Variants in BTRC observed in about 807,000 individuals in gnomAD.
The protein encoded by BTRC is F-box/WD repeat-containing protein 1A.
A neutral mutation model predicts 85.5 loss-of-function variants in BTRC; 42 were observed. That is an observed-to-expected ratio of 0.49 (90% CI 0.38 to 0.64). The LOEUF is 0.64. Ranked by LOEUF, BTRC falls within the 30% of genes least tolerant of loss-of-function variation. The probability of loss-of-function intolerance (pLI) is 0.00; values close to 1 mark genes in which losing one functional copy is unlikely to be tolerated. For synonymous variants in BTRC, 255 were observed against 263.3 expected (o/e 0.97, Z 0.30); for missense variants, 594 against 743.5 (o/e 0.80, Z 2.34).
At chr10:101,420,752 G>A (rs983764335) in intron 1 of BTRC, among the ~76,000 whole-genome samples, 1 of 151,850 alleles carries the variant, frequency 6.6e-6, no homozygotes, top group Non-Finnish European at 1.5e-5. Context: ...TTGGGCCACT[G>A]TAGTCAACTC....
chr10:101,534,958 C>T, intron 10 of BTRC, 48 bp downstream of exon 10: 1 of 1,583,410 alleles, frequency 6.3e-7, no homozygotes, highest in South Asian at 1.1e-5. Context: ...TGGGGGAATT[C>T]ATATGAAAAT....
chr10:101,418,407 G>A (rs1018688238), intron 1 of BTRC, among the ~76,000 whole-genome samples: 1 of 151,794 alleles, frequency 6.6e-6, no homozygotes, highest in African/African-American at 2.4e-5. Context: ...TTTTTTTGGG[G>A]GGGTGATTTA....
intron 4 of BTRC, among the ~76,000 whole-genome samples, chr10:101,514,200 A>G (rs2061993046): frequency 6.6e-6 from 1 of 152,190 alleles, no homozygotes; most frequent in South Asian, 2.1e-4. Context: ...ATTTATTGCA[A>G]ATGTTAATAA....
At chr10:101,550,281 TA>T (rs2062628982) in intron 13 of BTRC, among the ~76,000 whole-genome samples, 1 of 152,060 alleles carries the variant, frequency 6.6e-6, no homozygotes, top group African/African-American at 2.4e-5. Flanking sequence ...TTAATTTATT[TA>T]TTTTTATTTT....
At position 101,367,053 on chromosome 10, in the gene BTRC, T is replaced by A. The variant is rs1413408280; in HGVS notation, c.48+12825T>A. On this transcript the variant is annotated intron_variant, in intron 1 of 14. Transcript: ENST00000370187. Reference sequence around the variant, plus strand: ...ATATTTATATATATAAATATATATATATATAAATATAAATATATATATATA... The same window carrying A: ...ATATTTATATATATAAATATATATAAATATAAATATAAATATATATATATA... Among the ~76,000 whole-genome samples, 15 of 74,116 alleles carry A rather than the reference T, an allele frequency of 2.0e-4. 3 individuals carry two copies. Among genetic ancestry groups the A allele is most frequent in the East Asian group, 3.0e-4 (1 of 3,380 alleles). The allele number at this position is 74,116 out of a possible 152,430, so 48.6% of individuals were successfully genotyped here. A position where few individuals can be genotyped will look rare whatever the true frequency, so the allele number is the denominator to read the frequency against.
chr10:101,498,176 T>C (rs1321623636), intron 4 of BTRC, among the ~76,000 whole-genome samples: 1 of 152,030 alleles, frequency 6.6e-6, no homozygotes, highest in Non-Finnish European at 1.5e-5. Flanking sequence ...TTTTTTGAGA[T>C]GGAGTCTCAT....
At chr10:101,524,239 AC>A (rs1390554605) in intron 5 of BTRC, among the ~76,000 whole-genome samples, 1 of 152,024 alleles carries the variant, frequency 6.6e-6, no homozygotes, top group Non-Finnish European at 1.5e-5. Flanking sequence ...CCCCCTCTTT[AC>A]TCATTGGATT....
chr10:101,523,358 G>T (rs2062147841), intron 5 of BTRC, among the ~76,000 whole-genome samples: 1 of 152,076 alleles, frequency 6.6e-6, no homozygotes, highest in African/African-American at 2.4e-5. Context: ...TTTGGAGGAT[G>T]CTGTGGTTTT....
chr10:101,358,405 G>A (rs1344824276), intron 1 of BTRC, among the ~76,000 whole-genome samples: 2 of 152,040 alleles, frequency 1.3e-5, no homozygotes, highest in African/African-American at 4.8e-5. Flanking sequence ...GCCAAGCCAC[G>A]TTTATTTTTA....
chr10:101,510,288 C>T (rs894515646), intron 4 of BTRC, among the ~76,000 whole-genome samples: 4 of 152,082 alleles, frequency 2.6e-5, no homozygotes, highest in Non-Finnish European at 5.9e-5. Flanking sequence ...GTGGGTGGAT[C>T]ACGAGGTCAG....
At chr10:101,366,473 G>T (rs1466934396) in intron 1 of BTRC, among the ~76,000 whole-genome samples, 1 of 151,596 alleles carries the variant, frequency 6.6e-6, no homozygotes, top group Non-Finnish European at 1.5e-5. Flanking sequence ...TAAGAGAGGC[G>T]ACAGGAAAAA....
chr10:101,402,326 A>G (rs926422782), intron 1 of BTRC, among the ~76,000 whole-genome samples: 5 of 152,218 alleles, frequency 3.3e-5, no homozygotes, highest in Non-Finnish European at 5.9e-5. Flanking sequence ...AATTCAAGTA[A>G]GAATAATTTA....
chr10:101,462,054 G>T lies in BTRC; in HGVS notation c.230G>T (p.Arg77Ile). The part of the protein sequence containing the change: ...RKIIPEKNSL[R>I]QTYNSCARLC... ...ATAATACCAGAGAAGAATTCACTTA[G>T]ACAGGTATGAAATTCAGCCTTACTT... is the stretch of plus-strand genomic sequence containing the variant. Residue 77 changes from arginine (R) to isoleucine (I), a missense_variant, in exon 3 of 15, where the codon AGA (arginine) becomes ATA (isoleucine). Physicochemically the swap from Arg to Ile is moderately conservative, Grantham distance 97 (BLOSUM62 -3). Transcript: ENST00000370187. 1.2e-6 allele frequency: 2 copies of T among 1,607,854 alleles called. No individual in the cohort carries two copies. Among genetic ancestry groups the T allele is most frequent in the South Asian group, 1.1e-5 (1 of 90,790 alleles).
intron 4 of BTRC, among the ~76,000 whole-genome samples, chr10:101,513,350 G>A (rs1015743904): frequency 3.9e-5 from 6 of 152,070 alleles, no homozygotes; most frequent in African/African-American, 4.8e-5. Context: ...TAAGTATATA[G>A]TTCAATGAAT....
rs1255184775 is a variant in BTRC, at chr10:101,395,886, A to G, written c.49-34459A>G. The stretch of plus-strand genomic sequence containing the variant: ...GTAATATTTGCATATTTTTTCCTTA[A>G]ATAGTAGTAATATTTCCATGTTTTG... On this transcript the variant is annotated intron_variant, in intron 1 of 14. Coordinates refer to ENST00000370187, the MANE Select transcript of BTRC (RefSeq NM_033637.4). Among the ~76,000 whole-genome samples, 4 of 152,110 alleles carry G rather than the reference A, an allele frequency of 2.6e-5. No homozygotes were observed. In the South Asian group the frequency reaches 8.3e-4, roughly 32 times the overall value.
At chr10:101,492,931 A>G (rs914852381) in intron 4 of BTRC, among the ~76,000 whole-genome samples, 1 of 152,196 alleles carries the variant, frequency 6.6e-6, no homozygotes. Context: ...ATAACATGCA[A>G]TAAAGGTAAG....
intron 1 of BTRC, among the ~76,000 whole-genome samples, chr10:101,364,362 A>G (rs1415436146): frequency 6.6e-6 from 1 of 152,150 alleles, no homozygotes; most frequent in African/African-American, 2.4e-5. Flanking sequence ...CAGCAATATC[A>G]TGGTGCTATT....
chr10:101,454,617 C>A (rs1945028257), intron 2 of BTRC, among the ~76,000 whole-genome samples: 1 of 151,714 alleles, frequency 6.6e-6, no homozygotes, highest in African/African-American at 2.4e-5. Context: ...CCTGTATCTA[C>A]AAAAAAACAG....
At chr10:101,445,576 T>G (rs569191384) in intron 2 of BTRC, among the ~76,000 whole-genome samples, 1 of 152,346 alleles carries the variant, frequency 6.6e-6, no homozygotes, top group African/African-American at 2.4e-5. Context: ...ATCACTGGTA[T>G]GTAATAATCG....
Sources: gnomAD v4.1 joint callset for allele counts (sites outside exome capture counted in the v4.1 genomes callset) on GRCh38, gnomAD v4.1.1 for gene constraint, MANE v1.5 for transcripts, NCBI Gene and HGNC (gene_info 2026-07-23, HGNC 2026-07-21) for gene names.